STOX2: variants seen among roughly 807,000 people sequenced by gnomAD.
STOX2 encodes the protein storkhead-box protein 2.
In STOX2, 28 loss-of-function variants were observed where a neutral mutation model predicts 60.9. That is an observed-to-expected ratio of 0.46 (90% confidence interval 0.34 to 0.63). The LOEUF (loss-of-function observed/expected upper bound fraction) is 0.63, where lower values mean the gene tolerates loss of function less well. STOX2 is among the 30% of genes least tolerant of loss of function. The pLI is 0.01. For missense variants in STOX2, 1,024 were observed against 1,187.7 expected (o/e 0.86, Z 2.03); for synonymous variants, 472 against 463.9 (o/e 1.02, Z -0.22).
At chr4:183,934,269 C>T (rs539208439) in intron 1 of STOX2, among the ~76,000 whole-genome samples, 2 of 152,092 alleles carry the variant, frequency 1.3e-5, no homozygotes, top group African/African-American at 2.4e-5. Flanking sequence ...TGCCACTGCA[C>T]TCCTGCTTGG....
intron 1 of STOX2, among the ~76,000 whole-genome samples, chr4:183,983,205 GC>G (rs900901276): frequency 6.6e-6 from 1 of 152,174 alleles, no homozygotes; most frequent in African/African-American, 2.4e-5. Context: ...CTGTGTGGCT[GC>G]CTCAGTGCCT....
intron 1 of STOX2, chr4:183,798,777 G>A (rs1315979300): frequency 1.0e-6 from 1 of 985,274 alleles, no homozygotes. Flanking sequence ...GAAGGTCGCC[G>A]CCGCGTTTCC....
At chr4:183,988,777 C>T (rs1195026604) in intron 1 of STOX2, 2 of 152,656 alleles carry the variant, frequency 1.3e-5, no homozygotes, top group African/African-American at 2.4e-5. Flanking sequence ...GCTTTAGCGT[C>T]AGTGCTACCT....
At chr4:184,008,439 C>G (rs1157061567) in intron 2 of STOX2, among the ~76,000 whole-genome samples, 1 of 152,198 alleles carries the variant, frequency 6.6e-6, no homozygotes, top group East Asian at 1.9e-4. Context: ...AGTGTCAAAG[C>G]CTTCACTCAT....
chr4:183,903,913 A>C (rs929048369), upstream of STOX2, among the ~76,000 whole-genome samples: 1 of 152,192 alleles, frequency 6.6e-6, no homozygotes, highest in Non-Finnish European at 1.5e-5. Context: ...TGTGCACTTT[A>C]TTTCTTTTAT....
intron 1 of STOX2, among the ~76,000 whole-genome samples, chr4:183,826,936 G>C (rs1437326063): frequency 3.9e-5 from 6 of 152,146 alleles, no homozygotes; most frequent in Admixed American, 1.3e-4. Flanking sequence ...AATAGTAATA[G>C]CAAATTTATA....
intron 1 of STOX2, among the ~76,000 whole-genome samples, chr4:183,888,065 T>A (rs1380709952): frequency 1.3e-5 from 2 of 152,132 alleles, no homozygotes; most frequent in Non-Finnish European, 2.9e-5. Flanking sequence ...TGGTGCTCTT[T>A]TTTAATACTG....
chr4:183,931,348 C>A (rs1168850589), intron 1 of STOX2, among the ~76,000 whole-genome samples: 1 of 152,072 alleles, frequency 6.6e-6, no homozygotes, highest in Non-Finnish European at 1.5e-5. Flanking sequence ...CGCTTGAACC[C>A]AGAATGTGGA....
chr4:183,986,068 C>T (rs1314218593), intron 1 of STOX2, among the ~76,000 whole-genome samples: 5 of 150,012 alleles, frequency 3.3e-5, no homozygotes, highest in Admixed American at 6.6e-5. Flanking sequence ...GGCTTATCAA[C>T]GAGGAGAGAA....
At chr4:183,878,861 TTTTC>T (rs1740890394) in intron 1 of STOX2, among the ~76,000 whole-genome samples, 1 of 152,146 alleles carries the variant, frequency 6.6e-6, no homozygotes, top group African/African-American at 2.4e-5. Context: ...TTCTATTTTG[TTTTC>T]TTTTTCTTTT....
Position 184,011,083 on chromosome 4 carries a change from T to C in STOX2, c.2245T>C (p.Ser749Pro), listed in dbSNP as rs773140095. The change falls in exon 3 of 4, where the codon TCG becomes CCG. Residue 749 changes from serine to proline, a missense_variant. Ser to Pro is a moderately conservative substitution (Grantham distance 74). Around this residue, in one of 3 missense-constraint regions of STOX2, gnomAD observed 922 missense variants for 1,058.3 expected, o/e 0.87. Transcript: ENST00000308497. This position sits in a 1 kb window ranked among gnomAD's most constrained non-coding sequence, Gnocchi z 4.4. ...GAAACTGGAACCGTCCCTGGGGACC[T>C]CGGCGGCACAAGCCATGCCTGCTTC... ...CEKLEPSLGT[S>P]AAQAMPASQR... 2 of 1,600,732 alleles carry C rather than the reference T, an allele frequency of 1.2e-6. No homozygotes were observed. Among genetic ancestry groups the C allele is most frequent in the East Asian group, 2.2e-5 (1 of 44,610 alleles).
intron 1 of STOX2, among the ~76,000 whole-genome samples, chr4:183,983,288 C>A (rs1179185457): frequency 6.6e-6 from 1 of 152,152 alleles, no homozygotes; most frequent in African/African-American, 2.4e-5. Context: ...CAGAAATAAC[C>A]ATCTTTCTTT....
chr4:183,860,104 T>C (rs1483618648), intron 1 of STOX2, among the ~76,000 whole-genome samples: 1 of 151,940 alleles, frequency 6.6e-6, no homozygotes, highest in Non-Finnish European at 1.5e-5. Flanking sequence ...TTTTTACCGA[T>C]GTCTACCTAT....
chr4:183,861,229 C>T (rs554884881), intron 1 of STOX2, among the ~76,000 whole-genome samples: 1 of 152,262 alleles, frequency 6.6e-6, no homozygotes, highest in South Asian at 2.1e-4. Context: ...GACAGGACCC[C>T]CTAGATCTCA....
At chr4:183,827,479 G>T (rs1739462194) in intron 1 of STOX2, among the ~76,000 whole-genome samples, 1 of 151,850 alleles carries the variant, frequency 6.6e-6, no homozygotes, top group Admixed American at 6.6e-5. Flanking sequence ...GTGACAATGA[G>T]ACCCTGTCTC....
intron 1 of STOX2, among the ~76,000 whole-genome samples, chr4:183,996,200 G>A (rs1733340332): frequency 6.6e-6 from 1 of 152,226 alleles, no homozygotes; most frequent in African/African-American, 2.4e-5. Flanking sequence ...TCTGAGGACT[G>A]TACTTAAATG....
Position 183,927,240 on chromosome 4 carries a change from G to A in STOX2, c.166+20284G>A, listed in dbSNP as rs1339058123. Among the ~76,000 whole-genome samples, 8 of 152,302 alleles carry A rather than the reference G, an allele frequency of 5.3e-5. No homozygotes were observed. In the East Asian group the frequency reaches 1.2e-3, roughly 22 times the overall value. On this transcript the variant is annotated intron_variant, in intron 1 of 3. Coordinates refer to ENST00000308497, the MANE Select transcript of STOX2 (RefSeq NM_020225.3). ...CTGAGTTTGGGCACAGGCTCTGCAC[G>A]GAACCAGCTGTGTAGCCTGGCCCCC...
At position 183,836,316 on chromosome 4, in the gene STOX2, T is replaced by C. The variant is rs1333577945; in HGVS notation, c.364+38261T>C. On this transcript the variant is annotated intron_variant, in intron 1 of 2. Transcript: ENST00000513034. This position sits in a 1 kb window ranked among gnomAD's most constrained non-coding sequence, Gnocchi z 4.1. ...CTCTTCTGCAAGTCAATGGGTATGG[T>C]TGTGGTGTAGCGGGTTTCAGCAGCA... 1.3e-5 allele frequency among the ~76,000 whole-genome samples: 2 copies of C among 152,150 alleles called. No individual in the cohort carries two copies. The highest frequency in any genetic ancestry group is 2.9e-5 in the Non-Finnish European group (2 of 68,018).
intron 1 of STOX2, among the ~76,000 whole-genome samples, chr4:183,965,490 G>A (rs1358856939): frequency 1.3e-5 from 2 of 152,096 alleles, no homozygotes; most frequent in African/African-American, 4.8e-5. Flanking sequence ...AGATAAAATT[G>A]TTTGTTCTTC....
Sources: gnomAD v4.1 joint callset for allele counts (sites outside exome capture counted in the v4.1 genomes callset) on GRCh38, gnomAD v4.1.1 for gene constraint, gnomAD v4.1.1 regional missense constraint, Gnocchi (gnomAD v3.1) non-coding constraint, MANE v1.5 for transcripts, NCBI Gene and HGNC (gene_info 2026-07-23, HGNC 2026-07-21) for gene names.